Variants in NTN4 observed in about 807,000 individuals in gnomAD.
The protein encoded by NTN4 is netrin-4.
NTN4 carries 32 observed loss-of-function variants against 73.6 expected under a neutral mutation model. The observed-to-expected ratio is 0.44, with a 90% CI of 0.33 to 0.58. NTN4 has a LOEUF of 0.58. Ranked by LOEUF, NTN4 falls within the 20% of genes least tolerant of loss-of-function variation. The pLI is 0.04. For missense variants in NTN4, 654 were observed against 798.3 expected (o/e 0.82, Z 2.18); for synonymous variants, 258 against 287.5 (o/e 0.90, Z 1.04).
chr12:95,746,074 T>C (rs1307059398), intron 2 of NTN4, among the ~76,000 whole-genome samples: 1 of 152,190 alleles, frequency 6.6e-6, no homozygotes, highest in African/African-American at 2.4e-5. Context: ...TCCACCTGAA[T>C]TGATTCTCCC....
chr12:95,671,991 T>C (rs1016271333), intron 7 of NTN4, among the ~76,000 whole-genome samples: 14 of 151,996 alleles, frequency 9.2e-5, no homozygotes, highest in African/African-American at 3.4e-4. Context: ...TCATTTAATA[T>C]TCTCATAGGT....
intron 7 of NTN4, among the ~76,000 whole-genome samples, chr12:95,681,439 T>G (rs2078315298): frequency 6.6e-6 from 1 of 152,154 alleles, no homozygotes; most frequent in South Asian, 2.1e-4. Context: ...TTGCTAACCC[T>G]TTGAAGGTGT....
At chr12:95,782,127 T>G (rs2079137200) in intron 2 of NTN4, among the ~76,000 whole-genome samples, 1 of 152,172 alleles carries the variant, frequency 6.6e-6, no homozygotes, top group Non-Finnish European at 1.5e-5. Context: ...GCCCAAGGCT[T>G]ATTCATTTAT....
intron 2 of NTN4, among the ~76,000 whole-genome samples, chr12:95,778,716 G>A (rs2079111794): frequency 2.0e-5 from 3 of 152,072 alleles, no homozygotes; most frequent in Admixed American, 1.3e-4. Context: ...ATTCACAGCC[G>A]AATTCTACCA....
At chr12:95,711,608 G>A (rs868531619) in intron 4 of NTN4, among the ~76,000 whole-genome samples, 3 of 152,342 alleles carry the variant, frequency 2.0e-5, no homozygotes, top group Middle Eastern at 6.8e-3. Context: ...TTCAGCTGTT[G>A]AACTGGTGAG....
At chr12:95,674,829 C>T (rs1411490360) in intron 7 of NTN4, among the ~76,000 whole-genome samples, 1 of 152,216 alleles carries the variant, frequency 6.6e-6, no homozygotes, top group African/African-American at 2.4e-5. Context: ...CAGAGACTCT[C>T]TGGGGACATC....
chr12:95,695,509 T>C (rs2078434711), intron 5 of NTN4, among the ~76,000 whole-genome samples: 2 of 151,986 alleles, frequency 1.3e-5, no homozygotes, highest in Non-Finnish European at 2.9e-5. Context: ...GGGTTACAGG[T>C]GTGTGCCACC....
chr12:95,688,108 T>C (rs1052082697), intron 5 of NTN4, among the ~76,000 whole-genome samples: 3 of 152,148 alleles, frequency 2.0e-5, no homozygotes, highest in Admixed American at 1.3e-4. Flanking sequence ...AGCAGAATTA[T>C]GGCACGGTTA....
intron 9 of NTN4, among the ~76,000 whole-genome samples, chr12:95,664,383 A>G (rs2078163405): frequency 1.3e-5 from 2 of 152,102 alleles, no homozygotes; most frequent in Non-Finnish European, 2.9e-5. Context: ...ATAATTTAAA[A>G]CATTATTTTT....
At chr12:95,714,659 C>A (rs1017121823) in intron 3 of NTN4, among the ~76,000 whole-genome samples, 1 of 152,084 alleles carries the variant, frequency 6.6e-6, no homozygotes, top group African/African-American at 2.4e-5. Flanking sequence ...TCAAAAGATG[C>A]AGAAATCACC....
chr12:95,748,565 G>A (rs145665968), intron 2 of NTN4, among the ~76,000 whole-genome samples: 201 of 147,222 alleles, frequency 1.4e-3, no homozygotes, highest in African/African-American at 4.8e-3. Context: ...GCAACCTCCC[G>A]GTTCAAGTGA....
chr12:95,663,695 C>T (rs1017076173), intron 9 of NTN4: 5 of 151,964 alleles, frequency 3.3e-5, no homozygotes, highest in African/African-American at 1.2e-4. Flanking sequence ...TGGCAAGTTC[C>T]AGTCTTTTCT....
chr12:95,745,109 G>A (rs893418001), intron 2 of NTN4, among the ~76,000 whole-genome samples: 2 of 151,940 alleles, frequency 1.3e-5, no homozygotes, highest in South Asian at 4.1e-4. Flanking sequence ...TAAACAATTT[G>A]ATTGTTATGT....
chr12:95,790,198 G>T lies in NTN4; in HGVS notation c.55+57C>A. 1 of 1,467,066 alleles carries T rather than the reference G, an allele frequency of 6.8e-7. No individual in the cohort carries two copies. Among genetic ancestry groups the T allele is most frequent in the East Asian group, 2.8e-5 (1 of 35,484 alleles). The allele number at this position is 1,467,066 out of a possible 1,614,324, so 90.9% of individuals were successfully genotyped here. A position where few individuals can be genotyped will look rare whatever the true frequency, so the allele number is the denominator to read the frequency against. On this transcript the variant is annotated intron_variant, in intron 1 of 9. Coordinates refer to ENST00000343702, the MANE Select transcript of NTN4 (RefSeq NM_021229.4). The surrounding 1 kb of genome is among the most constrained non-coding windows in gnomAD (Gnocchi z 6.5). ...GCTCCCCTGCACCCCCGAGTCCCGA[G>T]ATGGGTTAGAGAAGCAGCGAGGGAA...
At chr12:95,766,388 A>G (rs2079021557) in intron 2 of NTN4, among the ~76,000 whole-genome samples, 1 of 152,242 alleles carries the variant, frequency 6.6e-6, no homozygotes, top group African/African-American at 2.4e-5. Context: ...ATCTGGACAT[A>G]AATCCTCTCT....
At chr12:95,759,821 T>TA (rs1227135334) in intron 2 of NTN4, among the ~76,000 whole-genome samples, 1 of 152,172 alleles carries the variant, frequency 6.6e-6, no homozygotes, top group Non-Finnish European at 1.5e-5. Flanking sequence ...AAGTTCCACT[T>TA]ACATCTTTTA....
intron 5 of NTN4, among the ~76,000 whole-genome samples, chr12:95,698,563 G>C (rs564849988): frequency 5.3e-4 from 80 of 152,206 alleles, no homozygotes; most frequent in African/African-American, 1.7e-3. Flanking sequence ...AATTTGTAAA[G>C]TTTTGGCTGG....
rs371249064 is a variant in NTN4 at position 95,682,057 on chromosome 12, C to T, written c.1510+650G>A. ...TTCCAAACCTAATATATTCAGTAGG[C>T]TTTTTTTTTTTTTTTTTTTTTTTGA... On this transcript the variant is annotated intron_variant, in intron 7 of 9. Transcript: ENST00000343702. Among the ~76,000 whole-genome samples, 590 of 64,518 alleles carry T rather than the reference C, an allele frequency of 9.1e-3. 1 individual carries two copies. The highest frequency in any genetic ancestry group is 0.036 in the Middle Eastern group (2 of 56). 42.3% of individuals were successfully genotyped at this position (64,518 alleles called of 152,430 possible). A position where few individuals can be genotyped will look rare whatever the true frequency, so the allele number is the denominator to read the frequency against.
intron 2 of NTN4, among the ~76,000 whole-genome samples, chr12:95,756,691 T>A (rs779490889): frequency 5.3e-5 from 8 of 152,124 alleles, no homozygotes; most frequent in Non-Finnish European, 7.4e-5. Flanking sequence ...GGAAATTGCC[T>A]GTATGATCTC....
Sources: allele counts gnomAD v4.1 joint callset (sites outside exome capture counted in the v4.1 genomes callset), GRCh38; gene constraint gnomAD v4.1.1; non-coding constraint Gnocchi (gnomAD v3.1); transcripts MANE v1.5; gene names NCBI Gene and HGNC (gene_info 2026-07-23, HGNC 2026-07-21).